The following ARHGEF3 variants were observed in gnomAD, a reference collection of about 807,000 sequenced individuals.
ARHGEF3 encodes the protein Rho guanine nucleotide exchange factor 3.
Under a neutral mutation model 63.2 loss-of-function variants are expected in ARHGEF3, and 28 were observed. That is an observed-to-expected ratio of 0.44 (90% CI 0.33 to 0.61). The LOEUF (loss-of-function observed/expected upper bound fraction) is 0.61, where lower values mean the gene tolerates loss of function less well. Ranked by LOEUF, ARHGEF3 falls within the 20% of genes least tolerant of loss-of-function variation. ARHGEF3 has a pLI of 0.03. For synonymous variants in ARHGEF3, 266 were observed against 254.2 expected, an observed-to-expected ratio of 1.05 and a Z score of -0.44; for missense variants, 533 against 659.3, an observed-to-expected ratio of 0.81 and a Z score of 2.10.
chr3:56,848,801 G>A (rs989026469), intron 4 of ARHGEF3, among the ~76,000 whole-genome samples: 1 of 152,122 alleles, frequency 6.6e-6, no homozygotes, highest in African/African-American at 2.4e-5. Flanking sequence ...CCGAGTAGCT[G>A]GGATTACAGG....
chr3:56,966,226 T>G (rs1025779783), intron 2 of ARHGEF3, among the ~76,000 whole-genome samples: 1 of 152,170 alleles, frequency 6.6e-6, no homozygotes, highest in African/African-American at 2.4e-5. Context: ...ACACAAAATC[T>G]GAAGCAAATA....
chr3:56,923,070 ATATAT>A (rs1560053929), intron 3 of ARHGEF3, among the ~76,000 whole-genome samples: 21 of 40,554 alleles, frequency 5.2e-4, no homozygotes, highest in South Asian at 1.6e-3. Flanking sequence ...ATATATATAT[ATATAT>A]AAATTAGTTG....
chr3:56,784,739 A>T (rs1223976988), intron 1 of ARHGEF3, among the ~76,000 whole-genome samples: 1 of 152,132 alleles, frequency 6.6e-6, no homozygotes, highest in African/African-American at 2.4e-5. Flanking sequence ...GCAAGTGACA[A>T]AGTTCTTATC....
At chr3:56,836,909 AGAGT>A (rs778326233) in intron 4 of ARHGEF3, among the ~76,000 whole-genome samples, 4 of 152,136 alleles carry the variant, frequency 2.6e-5, no homozygotes, top group Non-Finnish European at 5.9e-5. Flanking sequence ...CCTGGGTAAC[AGAGT>A]GAGACCCTGT....
At chr3:57,067,095 T>C (rs1234847413) in intron 1 of ARHGEF3, among the ~76,000 whole-genome samples, 1 of 152,172 alleles carries the variant, frequency 6.6e-6, no homozygotes, top group Non-Finnish European at 1.5e-5. Flanking sequence ...AAATTTCAAG[T>C]CACCAGATAA....
At chr3:56,771,954 T>C (rs1401516895) in intron 2 of ARHGEF3, among the ~76,000 whole-genome samples, 1 of 152,180 alleles carries the variant, frequency 6.6e-6, no homozygotes, top group African/African-American at 2.4e-5. Flanking sequence ...AGGGCAGTGA[T>C]GAATCTTCCA....
intron 3 of ARHGEF3, among the ~76,000 whole-genome samples, chr3:56,947,214 A>G (rs1344517971): frequency 6.6e-6 from 1 of 152,270 alleles, no homozygotes; most frequent in Non-Finnish European, 1.5e-5. Flanking sequence ...AAGAAACTGC[A>G]TCAACTAACA....
chr3:56,986,699 T>C (rs998527183), intron 2 of ARHGEF3, among the ~76,000 whole-genome samples: 28 of 151,728 alleles, frequency 1.8e-4, no homozygotes, highest in Non-Finnish European at 3.7e-4. Flanking sequence ...TCCAGATGGC[T>C]GGTCACCTCG....
At chr3:57,055,695 C>G (rs2107321774) in intron 1 of ARHGEF3, among the ~76,000 whole-genome samples, 1 of 152,318 alleles carries the variant, frequency 6.6e-6, no homozygotes, top group African/African-American at 2.4e-5. Context: ...AGACCAATCT[C>G]TGTTACCTCC....
At chr3:56,912,560 C>A (rs201393323) in intron 3 of ARHGEF3, among the ~76,000 whole-genome samples, 1 of 152,070 alleles carries the variant, frequency 6.6e-6, no homozygotes, top group Admixed American at 6.5e-5. Context: ...TTGCCATCTG[C>A]AAAACAAGAA....
chr3:56,958,319 A>ATTTTT (rs532097300), intron 3 of ARHGEF3, among the ~76,000 whole-genome samples: 3 of 133,272 alleles, frequency 2.3e-5, no homozygotes, highest in African/African-American at 2.8e-5. Flanking sequence ...GGCCACTTGA[A>ATTTTT]TTTTTTTTTT....
intron 2 of ARHGEF3, among the ~76,000 whole-genome samples, chr3:56,993,558 A>G (rs1377020537): frequency 1.3e-5 from 2 of 151,028 alleles, no homozygotes; most frequent in Non-Finnish European, 3.0e-5. Flanking sequence ...AATTTTTTGT[A>G]GAGACGGTGT....
chr3:56,907,597 G>A (rs1222645791), intron 3 of ARHGEF3, among the ~76,000 whole-genome samples: 1 of 152,154 alleles, frequency 6.6e-6, no homozygotes, highest in Non-Finnish European at 1.5e-5. Flanking sequence ...ATTCACAATA[G>A]CAAAGACATG....
chr3:56,753,306 G>T (rs1388289232), intron 4 of ARHGEF3, among the ~76,000 whole-genome samples, 198 bp downstream of exon 4: 2 of 152,142 alleles, frequency 1.3e-5, no homozygotes, highest in African/African-American at 4.8e-5. Context: ...GACATACAGA[G>T]GTAAACCCCT....
chr3:56,741,640 A>G (rs1390540191), intron 7 of ARHGEF3, among the ~76,000 whole-genome samples: 2 of 149,698 alleles, frequency 1.3e-5, no homozygotes, highest in African/African-American at 4.9e-5. Flanking sequence ...AGTAGCTGGG[A>G]CTACAGGCGC....
chr3:57,076,090 T>C (rs1706208777), intron 1 of ARHGEF3, among the ~76,000 whole-genome samples: 1 of 152,212 alleles, frequency 6.6e-6, no homozygotes. Context: ...CAAGGATTAA[T>C]TTTCTTTTAA....
chr3:56,935,067 G>A (rs1419766603), intron 3 of ARHGEF3, among the ~76,000 whole-genome samples: 5 of 152,054 alleles, frequency 3.3e-5, no homozygotes, highest in African/African-American at 9.7e-5. Flanking sequence ...TGGAGCCTTG[G>A]AGAACCTTTA....
intron 1 of ARHGEF3, among the ~76,000 whole-genome samples, chr3:56,777,725 T>C (rs2036353340): frequency 6.6e-6 from 1 of 152,122 alleles, no homozygotes. Flanking sequence ...AGTAGGAATA[T>C]CATCTATGTC....
chr3:56,842,342 G>C (rs182417470), intron 4 of ARHGEF3, among the ~76,000 whole-genome samples: 1 of 152,136 alleles, frequency 6.6e-6, no homozygotes, highest in African/African-American at 2.4e-5. Flanking sequence ...TTATTGCTTG[G>C]GACCTAGCTA....
Sources: allele counts gnomAD v4.1 joint callset (sites outside exome capture counted in the v4.1 genomes callset), GRCh38; gene constraint gnomAD v4.1.1; transcripts MANE v1.5; gene names NCBI Gene and HGNC (gene_info 2026-07-23, HGNC 2026-07-21).